The following VPS13C variants were observed in gnomAD, a reference collection of about 807,000 sequenced individuals.
VPS13C encodes the protein vacuolar protein sorting 13 homolog C, also known as intermembrane lipid transfer protein VPS13C.
VPS13C carries 358 observed loss-of-function variants against 456.8 expected under a neutral mutation model. That is an observed-to-expected ratio of 0.78 (90% CI 0.72 to 0.86). The LOEUF (loss-of-function observed/expected upper bound fraction) is 0.86, where lower values mean the gene tolerates loss of function less well. Among genes scored for constraint, VPS13C ranks in the 40% least tolerant of loss-of-function variants. VPS13C has a pLI of 0.00. For missense variants in VPS13C, 4,818 were observed against 4,385.4 expected (o/e 1.10, Z -2.79); for synonymous variants, 1,578 against 1,486.7 (o/e 1.06, Z -1.41).
chr15:62,037,375 TATATAAATGTATATA>T lies in VPS13C; in HGVS notation c.188-2338_188-2324del, dbSNP rs1567137249. Among the ~76,000 whole-genome samples the T allele has an allele frequency of 8.7e-4, 80 of 91,752 alleles. 8 individuals carry two copies. Among genetic ancestry groups the T allele is most frequent in the East Asian group, 1.8e-3 (7 of 3,888 alleles). 60.2% of individuals were successfully genotyped at this position (91,752 alleles called of 152,430 possible). A position where few individuals can be genotyped will look rare whatever the true frequency, so the allele number is the denominator to read the frequency against. ...ATATATAAATGTATATAATATATTA[TATATAAATGTATATA>T]ATATATTATATATAAATATATATAA... On this transcript the variant is annotated intron_variant, in intron 3 of 84. Coordinates refer to ENST00000644861, the MANE Select transcript of VPS13C (RefSeq NM_020821.3).
At chr15:61,874,661 T>C (rs1192328615) in intron 77 of VPS13C, among the ~76,000 whole-genome samples, 1 of 151,966 alleles carries the variant, frequency 6.6e-6, no homozygotes, top group East Asian at 1.9e-4. Context: ...AAATGTAAAA[T>C]TATTTGCATT....
intron 5 of VPS13C, 26 bp downstream of exon 5, chr15:62,033,415 A>C (rs1442594629): frequency 6.7e-7 from 1 of 1,497,816 alleles, no homozygotes; most frequent in South Asian, 1.2e-5. Context: ...AGGTATGTCT[A>C]AGTTTATCTC....
rs556179507 is a variant in VPS13C, at chr15:62,001,516, C to CT, written c.1291-891dup. On this transcript the variant is annotated intron_variant, in intron 15 of 84. Transcript: ENST00000644861. The stretch of plus-strand genomic sequence containing the variant: ...TTGATTATTTGTTTGTTCGTATTTA[C>CT]TTTTTTTTTATTATTAGTATACTTT... Among the ~76,000 whole-genome samples, 9 of 150,966 alleles carry CT rather than the reference C, an allele frequency of 6.0e-5. No homozygotes were observed. The South Asian group carries it at 1.3e-3, about 21-fold the overall frequency.
At chr15:61,974,740 A>T (rs1404938516) in intron 24 of VPS13C, among the ~76,000 whole-genome samples, 1 of 152,174 alleles carries the variant, frequency 6.6e-6, no homozygotes, top group Admixed American at 6.5e-5. Flanking sequence ...TATTATAAAC[A>T]TCAAAGAGTA....
In VPS13C at chr15:61,890,453, T is replaced by C. The variant is rs2042616010; in HGVS notation, c.9106-53A>G. On this transcript the variant is annotated intron_variant, in intron 66 of 84. Coordinates refer to ENST00000644861, the MANE Select transcript of VPS13C (RefSeq NM_020821.3). Reference sequence around the variant, plus strand: ...CCACACATAGTAACTTGTTATTATATAAAATTGAACTATAATAACAGAAAG... The same window carrying C: ...CCACACATAGTAACTTGTTATTATACAAAATTGAACTATAATAACAGAAAG... 6.1e-6 allele frequency: 9 copies of C among 1,475,338 alleles called. No homozygotes were observed. In the South Asian group the frequency reaches 7.3e-5, roughly 12 times the overall value. The allele number at this position is 1,475,338 out of a possible 1,614,324, so 91.4% of individuals were successfully genotyped here. A position where few individuals can be genotyped will look rare whatever the true frequency, so the allele number is the denominator to read the frequency against.
At chr15:61,962,955 G>T in intron 32 of VPS13C, 103 bp from the exon 33 acceptor site, 1 of 837,772 alleles carries the variant, frequency 1.2e-6, no homozygotes, top group Non-Finnish European at 1.7e-6. Context: ...TTTAAATTTA[G>T]CAATGTTTCA....
intron 2 of VPS13C, among the ~76,000 whole-genome samples, chr15:62,042,920 AAT>A: frequency 6.6e-6 from 1 of 150,380 alleles, no homozygotes; most frequent in African/African-American, 2.4e-5. Context: ...TATAATAAAA[AAT>A]ATATATATAT....
intron 66 of VPS13C, among the ~76,000 whole-genome samples, chr15:61,897,504 G>A (rs28868694): frequency 1.6e-4 from 24 of 152,270 alleles, no homozygotes; most frequent in Non-Finnish European, 2.4e-4. Flanking sequence ...GGGTATCAGC[G>A]ATGGAAGATG....
At chr15:61,929,334 T>C (rs112682715) in intron 51 of VPS13C, among the ~76,000 whole-genome samples, 167 bp downstream of exon 51, 1 of 152,340 alleles carries the variant, frequency 6.6e-6, no homozygotes, top group Admixed American at 6.5e-5. Flanking sequence ...TGTACCTCTC[T>C]CTTAAAAATG....
chr15:61,991,539 T>C, intron 17 of VPS13C, 134 bp downstream of exon 17: 1 of 901,466 alleles, frequency 1.1e-6, no homozygotes, highest in Non-Finnish European at 1.5e-6. Flanking sequence ...CTGATGTATT[T>C]GCTTATATAT....
At position 61,875,745 on chromosome 15, in the gene VPS13C, T is replaced by C. The variant is rs1199950826; in HGVS notation, c.10325A>G (p.Tyr3442Cys). ...GLSEGVEALFYEPFQGAVQGP... is the reference protein window; with the variant it reads ...GLSEGVEALFCEPFQGAVQGP... ...AGAGGTCAATACCTGGAAGGGTTCATAGAATAAAGCTTCAACTCCTTCAGA... is the reference window on the plus strand; with the variant it reads ...AGAGGTCAATACCTGGAAGGGTTCACAGAATAAAGCTTCAACTCCTTCAGA... The change falls in exon 76 of 85, where the codon TAT becomes TGT. Residue 3442 changes from tyrosine (Y) to cysteine (C), a missense_variant. By Grantham distance (194) the Tyr-to-Cys change is radical (BLOSUM62 -2). Transcript: ENST00000644861. 4 of 1,610,508 alleles carry C rather than the reference T, an allele frequency of 2.5e-6. No homozygotes were observed. The highest frequency in any genetic ancestry group is 1.7e-5 in the Admixed American group (1 of 59,526).
intron 66 of VPS13C, among the ~76,000 whole-genome samples, chr15:61,898,842 C>T (rs1237215243): frequency 2.1e-4 from 21 of 99,802 alleles, no homozygotes; most frequent in Non-Finnish European, 3.4e-4. Flanking sequence ...AAATTGACCA[C>T]ATACTTGGAA....
chr15:61,945,617 A>G, intron 45 of VPS13C, 98 bp downstream of exon 45: 7 of 932,214 alleles, frequency 7.5e-6, no homozygotes. Context: ...TGCTCATCAC[A>G]CAGCCTTATC....
In VPS13C at chr15:62,036,544, C is replaced by T. The variant is rs150373972; in HGVS notation, c.188-1492G>A. On this transcript the variant is annotated intron_variant, in intron 3 of 84. Transcript: ENST00000644861. ...CTTGCATGTCACGGGAAGTCTACAA[C>T]GCTCTGGGTCATTTCTAAGTCCAGT... Among the ~76,000 whole-genome samples the T allele has an allele frequency of 9.4e-3, 1,434 of 152,142 alleles. 45 individuals are homozygous for T. Among genetic ancestry groups the T allele is most frequent in the Non-Finnish European group, 8.2e-3 (557 of 67,964 alleles).
chr15:61,905,654 A>G (rs1252339360), intron 66 of VPS13C, among the ~76,000 whole-genome samples: 1 of 152,102 alleles, frequency 6.6e-6, no homozygotes, highest in Admixed American at 6.6e-5. Flanking sequence ...TTTATTATAT[A>G]CTTTCTTAGG....
At chr15:61,951,491 A>T (rs970763528) in intron 39 of VPS13C, among the ~76,000 whole-genome samples, 5 of 152,184 alleles carry the variant, frequency 3.3e-5, no homozygotes, top group African/African-American at 1.2e-4. Flanking sequence ...GAAGGACATG[A>T]GACTACAGAT....
rs542569762 is a variant in VPS13C at position 61,949,714 on chromosome 15, A to T, written c.4597-109T>A. On this transcript the variant is annotated intron_variant, in intron 41 of 84. Transcript: ENST00000644861. ...GAACAGTTCAATTAAGGGCCTTTTT[A>T]AAATTTTTATTTTTTTAAGAACTCA... 1.8e-4 allele frequency: 190 copies of T among 1,065,654 alleles called. No homozygotes were observed. In the Admixed American group the frequency reaches 2.9e-3, roughly 16 times the overall value. The allele number at this position is 1,065,654 out of a possible 1,614,324, so 66.0% of individuals were successfully genotyped here. A position where few individuals can be genotyped will look rare whatever the true frequency, so the allele number is the denominator to read the frequency against.
intron 11 of VPS13C, among the ~76,000 whole-genome samples, chr15:62,012,457 C>T (rs1342380100): frequency 6.6e-6 from 1 of 151,998 alleles, no homozygotes; most frequent in Non-Finnish European, 1.5e-5. Flanking sequence ...ACTGCGATTT[C>T]AGACACATTC....
chr15:62,041,935 T>G (rs1167690354), intron 2 of VPS13C, among the ~76,000 whole-genome samples: 1 of 152,182 alleles, frequency 6.6e-6, no homozygotes, highest in Non-Finnish European at 1.5e-5. Flanking sequence ...ACTGGTTACT[T>G]GTTTTAAGTA....
Sources: allele counts gnomAD v4.1 joint callset (sites outside exome capture counted in the v4.1 genomes callset), GRCh38; gene constraint gnomAD v4.1.1; transcripts MANE v1.5; gene names NCBI Gene and HGNC (gene_info 2026-07-23, HGNC 2026-07-21).